PACRG: variants seen among roughly 807,000 people sequenced by gnomAD.
The protein encoded by PACRG is parkin coregulated gene protein.
In PACRG, 29 loss-of-function variants were observed where a neutral mutation model predicts 29.7. That is an observed-to-expected ratio of 0.98 (90% CI 0.73 to 1.33). The LOEUF (loss-of-function observed/expected upper bound fraction) is 1.33. Ranked by LOEUF, PACRG falls within the 40% of genes most tolerant of loss-of-function variation. The probability of loss-of-function intolerance (pLI) is 0.00; values close to 1 mark genes in which losing one functional copy is unlikely to be tolerated. For synonymous variants in PACRG, 116 were observed against 118.7 expected (o/e 0.98, Z 0.15); for missense variants, 279 against 316.2 (o/e 0.88, Z 0.89).
intron 4 of PACRG, among the ~76,000 whole-genome samples, chr6:163,217,766 G>A (rs1235787627): frequency 6.6e-6 from 1 of 152,050 alleles, no homozygotes; most frequent in Non-Finnish European, 1.5e-5. Context: ...CAGGGATCCA[G>A]GCTGTGTGCA....
intron 1 of PACRG, among the ~76,000 whole-genome samples, chr6:162,778,161 G>T (rs1274599486): frequency 6.6e-6 from 1 of 152,152 alleles, no homozygotes; most frequent in Non-Finnish European, 1.5e-5. Context: ...ACGATGCACG[G>T]TGGCAGAGCA....
At chr6:162,913,662 C>CT (rs1323021516) in intron 2 of PACRG, among the ~76,000 whole-genome samples, 1 of 152,118 alleles carries the variant, frequency 6.6e-6, no homozygotes, top group African/African-American at 2.4e-5. Context: ...TGTTATATCA[C>CT]TTTATATTTC....
chr6:163,038,992 G>A (rs1439574369), intron 2 of PACRG, among the ~76,000 whole-genome samples: 1 of 152,104 alleles, frequency 6.6e-6, no homozygotes, highest in Non-Finnish European at 1.5e-5. Flanking sequence ...TAACTGATAT[G>A]GTTTAGATCT....
chr6:162,787,765 G>C (rs1034074307), intron 1 of PACRG, among the ~76,000 whole-genome samples: 1 of 151,264 alleles, frequency 6.6e-6, no homozygotes, highest in African/African-American at 2.4e-5. Context: ...CAATTTAGAA[G>C]GAATACAAAC....
At chr6:163,060,935 A>G (rs1237006789) in intron 2 of PACRG, 1 of 149,610 alleles carries the variant, frequency 6.7e-6, no homozygotes, top group South Asian at 2.1e-4. Flanking sequence ...ATATATATTA[A>G]TATATATATA....
intron 4 of PACRG, among the ~76,000 whole-genome samples, chr6:163,256,302 T>G (rs1224108229): frequency 6.6e-6 from 1 of 152,176 alleles, no homozygotes. Context: ...ACATGCTGAG[T>G]CCCACCACGT....
chr6:163,190,344 T>TC (rs1237319520), intron 4 of PACRG: 2 of 152,186 alleles, frequency 1.3e-5, no homozygotes, highest in African/African-American at 4.8e-5. Context: ...AAAAGCCCAG[T>TC]CAGTGACAGT....
chr6:162,940,507 A>G (rs1798541696), intron 2 of PACRG, among the ~76,000 whole-genome samples: 1 of 151,514 alleles, frequency 6.6e-6, no homozygotes, highest in African/African-American at 2.4e-5. Flanking sequence ...TGTCTCTTTT[A>G]TCTCTCTCTG....
At position 162,866,504 on chromosome 6, in the gene PACRG, G is replaced by T. The variant is rs79036214; in HGVS notation, c.291+52223G>T. On this transcript the variant is annotated intron_variant, in intron 2 of 4. Coordinates refer to ENST00000366888, the MANE Select transcript of PACRG (RefSeq NM_001080379.2). ...ACATAGAAACCCTATGAGCCATAGAGCTCGCTCTTTTGCTATAACTTCTTA... is the reference window on the plus strand; with the variant it reads ...ACATAGAAACCCTATGAGCCATAGATCTCGCTCTTTTGCTATAACTTCTTA... 1.5e-3 allele frequency among the ~76,000 whole-genome samples: 226 copies of T among 152,216 alleles called. 2 individuals carry two copies. In the East Asian group the frequency reaches 0.018, roughly 12 times the overall value.
At chr6:163,020,837 A>G (rs144996789) in intron 2 of PACRG, among the ~76,000 whole-genome samples, 1 of 152,114 alleles carries the variant, frequency 6.6e-6, no homozygotes, top group African/African-American at 2.4e-5. Context: ...CCTGCTCTTT[A>G]TTGCCCAGTA....
intron 1 of PACRG, among the ~76,000 whole-genome samples, chr6:162,753,780 C>G (rs1459090157): frequency 6.6e-6 from 1 of 152,150 alleles, no homozygotes; most frequent in African/African-American, 2.4e-5. Flanking sequence ...ACATGCCTTG[C>G]TTCCCCTTCA....
chr6:163,234,361 T>A (rs1562330324), intron 4 of PACRG, among the ~76,000 whole-genome samples: 1 of 152,072 alleles, frequency 6.6e-6, no homozygotes, highest in Non-Finnish European at 1.5e-5. Context: ...AACTGGTTGT[T>A]GAAAAGAACC....
chr6:162,946,379 C>G (rs1351196520), intron 2 of PACRG, among the ~76,000 whole-genome samples: 1 of 151,974 alleles, frequency 6.6e-6, no homozygotes, highest in Non-Finnish European at 1.5e-5. Flanking sequence ...CACTTACAAA[C>G]TGGAAAACCT....
intron 2 of PACRG, among the ~76,000 whole-genome samples, chr6:162,859,115 CCTCT>C (rs764458549): frequency 3.9e-5 from 6 of 152,162 alleles, no homozygotes; most frequent in Non-Finnish European, 8.8e-5. Context: ...GGAACTTATG[CCTCT>C]CTATCATTTT....
At chr6:163,268,405 A>AAAAAAAAAAAGAAAAG (rs71008143) in intron 4 of PACRG, among the ~76,000 whole-genome samples, 1 of 143,788 alleles carries the variant, frequency 7.0e-6, no homozygotes, top group South Asian at 2.2e-4. Flanking sequence ...GTCTCAAAGA[A>AAAAAAAAAAAGAAAAG]AAAAAAAAAG....
chr6:162,745,157 G>A (rs1445333088), intron 1 of PACRG, among the ~76,000 whole-genome samples: 1 of 152,016 alleles, frequency 6.6e-6, no homozygotes, highest in East Asian at 1.9e-4. Flanking sequence ...TCCTTAGTAA[G>A]AATTGACTTA....
At chr6:162,947,631 T>TATATAATC (rs1799327206) in intron 2 of PACRG, among the ~76,000 whole-genome samples, 1 of 71,534 alleles carries the variant, frequency 1.4e-5, no homozygotes, top group Non-Finnish European at 2.7e-5. Flanking sequence ...TATATATATA[T>TATATAATC]ATATATATAT....
At chr6:163,259,730 C>A (rs1225798410) in intron 4 of PACRG, among the ~76,000 whole-genome samples, 2 of 152,168 alleles carry the variant, frequency 1.3e-5, no homozygotes, top group East Asian at 3.9e-4. Context: ...GTACGCCTTC[C>A]CAGCTGTTCC....
chr6:163,192,174 G>A (rs1780244020), intron 4 of PACRG, among the ~76,000 whole-genome samples: 1 of 152,190 alleles, frequency 6.6e-6, no homozygotes, highest in Non-Finnish European at 1.5e-5. Context: ...TGCAGGTTGG[G>A]AGAAAATCTG....
Sources: allele counts gnomAD v4.1 joint callset (sites outside exome capture counted in the v4.1 genomes callset), GRCh38; gene constraint gnomAD v4.1.1; transcripts MANE v1.5; gene names NCBI Gene and HGNC (gene_info 2026-07-23, HGNC 2026-07-21).